SORCS3: variants seen among roughly 807,000 people sequenced by gnomAD.
SORCS3 encodes the protein VPS10 domain-containing receptor SorCS3.
In SORCS3, 57 loss-of-function variants were observed where a neutral mutation model predicts 146.3. The ratio of observed to expected loss-of-function variants is 0.39; its 90% CI spans 0.31 to 0.49. SORCS3 has a LOEUF of 0.49. SORCS3 is among the 20% of genes least tolerant of loss of function. The pLI is 0.92. For synonymous variants in SORCS3, 653 were observed against 618.5 expected (o/e 1.06, Z -0.83); for missense variants, 1,341 against 1,575.5 (o/e 0.85, Z 2.52).
chr10:104,678,108 C>T (rs1269498555), intron 1 of SORCS3, among the ~76,000 whole-genome samples: 3 of 151,432 alleles, frequency 2.0e-5, no homozygotes, highest in East Asian at 3.9e-4. Flanking sequence ...TGTGAGGTTG[C>T]CGAAGTTAAA....
intron 1 of SORCS3, among the ~76,000 whole-genome samples, chr10:104,709,809 T>G (rs2133437829): frequency 6.6e-6 from 1 of 152,306 alleles, no homozygotes; most frequent in African/African-American, 2.4e-5. Flanking sequence ...AGTGAGATGT[T>G]ATCTGTATAG....
At chr10:105,175,323 G>A (rs1310302533) in intron 13 of SORCS3, among the ~76,000 whole-genome samples, 3 of 150,852 alleles carry the variant, frequency 2.0e-5, no homozygotes, top group Non-Finnish European at 4.4e-5. Flanking sequence ...GCCTCCTAAA[G>A]TGCTGGGATT....
chr10:104,928,775 G>A (rs192767054), intron 3 of SORCS3, among the ~76,000 whole-genome samples: 123 of 152,282 alleles, frequency 8.1e-4, no homozygotes, highest in African/African-American at 2.7e-3. Context: ...GTCTGAGCTG[G>A]CAGGGAAGTC....
chr10:104,651,204 C>T (rs1451307269), intron 1 of SORCS3, among the ~76,000 whole-genome samples: 4 of 152,162 alleles, frequency 2.6e-5, no homozygotes. Context: ...CAGTGTTATT[C>T]ATGCTTGAAA....
intron 7 of SORCS3, among the ~76,000 whole-genome samples, chr10:105,118,365 C>T (rs1000650700): frequency 6.6e-6 from 1 of 152,116 alleles, no homozygotes; most frequent in Admixed American, 6.6e-5. Flanking sequence ...CCCAGCCCTT[C>T]CAAAGTGGAA....
At chr10:104,678,769 C>A (rs1458382531) in intron 1 of SORCS3, among the ~76,000 whole-genome samples, 1 of 152,130 alleles carries the variant, frequency 6.6e-6, no homozygotes, top group South Asian at 2.1e-4. Context: ...AAAGTTGATA[C>A]TATGGAGGTT....
chr10:105,238,092 G>A (rs779329011), intron 20 of SORCS3, among the ~76,000 whole-genome samples: 2 of 152,156 alleles, frequency 1.3e-5, no homozygotes, highest in Non-Finnish European at 2.9e-5. Flanking sequence ...TAATTGACAA[G>A]CAAATAGATT....
intron 3 of SORCS3, among the ~76,000 whole-genome samples, chr10:104,929,101 A>G (rs1011059071): frequency 6.6e-6 from 1 of 152,234 alleles, no homozygotes; most frequent in African/African-American, 2.4e-5. Flanking sequence ...GATGTGCAGG[A>G]AAGAGCGTGC....
At chr10:105,169,175 A>T (rs1443756753) in intron 13 of SORCS3, among the ~76,000 whole-genome samples, 1 of 152,126 alleles carries the variant, frequency 6.6e-6, no homozygotes, top group Non-Finnish European at 1.5e-5. Context: ...TCAAGGCTAG[A>T]CATGTATACC....
intron 1 of SORCS3, among the ~76,000 whole-genome samples, chr10:104,824,123 A>G (rs2017908120): frequency 6.6e-6 from 1 of 152,158 alleles, no homozygotes; most frequent in African/African-American, 2.4e-5. Flanking sequence ...AGTAAAACCC[A>G]TTTTGGACTT....
At chr10:104,794,585 T>C (rs1385664421) in intron 1 of SORCS3, among the ~76,000 whole-genome samples, 2 of 115,814 alleles carry the variant, frequency 1.7e-5, no homozygotes, top group Non-Finnish European at 3.6e-5. Flanking sequence ...TCAAGGTAGA[T>C]AGGGTGTGTG....
intron 2 of SORCS3, among the ~76,000 whole-genome samples, chr10:104,898,338 G>A (rs1017268577): frequency 1.4e-4 from 21 of 152,174 alleles, no homozygotes; most frequent in African/African-American, 5.1e-4. Context: ...TATAGGCACT[G>A]CATGAATATT....
intron 1 of SORCS3, among the ~76,000 whole-genome samples, chr10:104,808,464 A>G (rs1263923248): frequency 6.6e-6 from 1 of 152,234 alleles, no homozygotes; most frequent in Non-Finnish European, 1.5e-5. Flanking sequence ...AACAGGGAAC[A>G]ATGAAAATAT....
At chr10:105,022,022 A>G (rs2055201047) in intron 4 of SORCS3, among the ~76,000 whole-genome samples, 1 of 152,196 alleles carries the variant, frequency 6.6e-6, no homozygotes. Flanking sequence ...TAAGAAGATC[A>G]GTAGCTGCCA....
At chr10:104,876,932 T>C (rs1366595655) in intron 2 of SORCS3, among the ~76,000 whole-genome samples, 2 of 152,096 alleles carry the variant, frequency 1.3e-5, no homozygotes, top group Admixed American at 6.6e-5. Flanking sequence ...CGCAGCTCAC[T>C]GCAGCCTCAG....
At chr10:105,237,077 A>C (rs1483609143) in intron 20 of SORCS3, among the ~76,000 whole-genome samples, 2 of 152,124 alleles carry the variant, frequency 1.3e-5, no homozygotes, top group African/African-American at 4.8e-5. Context: ...GGAATTTTTA[A>C]TCCAAAAGCT....
At chr10:104,696,531 AT>A (rs1564661394) in intron 1 of SORCS3, among the ~76,000 whole-genome samples, 6 of 88,022 alleles carry the variant, frequency 6.8e-5, no homozygotes, top group South Asian at 3.3e-4. Context: ...TAGAATATAT[AT>A]TATATACATA....
chr10:105,247,400 T>C, intron 22 of SORCS3, 69 bp downstream of exon 22: 1 of 805,868 alleles, frequency 1.2e-6, no homozygotes, highest in Non-Finnish European at 2.1e-6. Context: ...TGGTCCACAA[T>C]ACATTGGCAT....
chr10:104,882,956 T>C lies in SORCS3; in HGVS notation c.696-32877T>C, dbSNP rs74155057. On this transcript the variant is annotated intron_variant, in intron 2 of 26. Coordinates refer to ENST00000369701, the MANE Select transcript of SORCS3 (RefSeq NM_014978.3). ...TGGTGAAGTGTGGAAGAAATCATTC[T>C]GCTTTCCAGGAGACTAACATTATGG... Among the ~76,000 whole-genome samples, 275 of 152,358 alleles carry C rather than the reference T, an allele frequency of 1.8e-3. 1 individual carries two copies. The highest frequency in any genetic ancestry group is 5.9e-3 in the African/African-American group (246 of 41,598).
Sources: gnomAD v4.1 joint callset for allele counts (sites outside exome capture counted in the v4.1 genomes callset) on GRCh38, gnomAD v4.1.1 for gene constraint, MANE v1.5 for transcripts, NCBI Gene and HGNC (gene_info 2026-07-23, HGNC 2026-07-21) for gene names.